TSHR: variants seen among roughly 807,000 people sequenced by gnomAD.
TSHR encodes thyroid stimulating hormone receptor, also known as thyrotropin receptor.
TSHR carries 51 observed loss-of-function variants against 64.1 expected under a neutral mutation model. The observed-to-expected ratio is 0.80, with a 90% CI of 0.64 to 1.01. The LOEUF (loss-of-function observed/expected upper bound fraction) is 1.01. TSHR is among the 50% of genes least tolerant of loss of function. The pLI, the probability that TSHR is intolerant of heterozygous loss-of-function variation, is 0.00. For missense variants in TSHR, 877 were observed against 942.8 expected, an observed-to-expected ratio of 0.93 and a Z score of 0.91; for synonymous variants, 361 against 361.9, an observed-to-expected ratio of 1.00 and a Z score of 0.03.
chr14:81,143,994 T>C lies in TSHR; in HGVS notation c.1936T>C (p.Ser646Pro), dbSNP rs775408982. 1 of 1,614,210 alleles carries C rather than the reference T, an allele frequency of 6.2e-7. No individual in the cohort carries two copies. Among genetic ancestry groups the C allele is most frequent in the Non-Finnish European group, 8.5e-7 (1 of 1,180,036 alleles). The change falls in exon 10 of 10, where the codon TCA (serine) becomes CCA (proline). Residue 646 changes from serine (S) to proline (P), a missense_variant. By Grantham distance (74) the Ser-to-Pro change is moderately conservative (BLOSUM62 -1). Transcript: ENST00000298171. The part of the protein sequence containing the change: ...CMAPISFYAL[S>P]AILNKPLITV... ...GGCCCCAATCTCATTCTATGCTCTG[T>C]CAGCAATTCTGAACAAGCCTCTCAT...
At chr14:80,986,693 G>A (rs542794294) in intron 1 of TSHR, among the ~76,000 whole-genome samples, 1 of 152,158 alleles carries the variant, frequency 6.6e-6, no homozygotes, top group African/African-American at 2.4e-5. Context: ...CATCGTGTTG[G>A]CCAGGCTGGT....
chr14:80,980,337 G>T (rs953247032), intron 1 of TSHR, among the ~76,000 whole-genome samples: 2 of 152,096 alleles, frequency 1.3e-5, no homozygotes, highest in Non-Finnish European at 2.9e-5. Flanking sequence ...TTAACCAGAA[G>T]TTAACAATTG....
intron 1 of TSHR, among the ~76,000 whole-genome samples, chr14:81,002,784 T>TGCCAG (rs1338086273): frequency 1.3e-3 from 10 of 7,664 alleles, no homozygotes; most frequent in Admixed American, 3.9e-3. Flanking sequence ...AATGCCTCTT[T>TGCCAG]TTTTTTTTTT....
chr14:81,132,461 G>A (rs1257023712), intron 8 of TSHR, among the ~76,000 whole-genome samples: 2 of 152,186 alleles, frequency 1.3e-5, no homozygotes, highest in African/African-American at 2.4e-5. Flanking sequence ...GACATTAAAC[G>A]TAGTTAGCTC....
At chr14:81,060,840 A>G (rs1279729071) in intron 1 of TSHR, among the ~76,000 whole-genome samples, 1 of 152,174 alleles carries the variant, frequency 6.6e-6, no homozygotes, top group African/African-American at 2.4e-5. Context: ...TGCCAAGTTA[A>G]TACACTATGC....
At chr14:80,978,118 C>CAA (rs1259251397) in intron 1 of TSHR, among the ~76,000 whole-genome samples, 1 of 151,812 alleles carries the variant, frequency 6.6e-6, no homozygotes, top group Admixed American at 6.6e-5. Context: ...CACACACACA[C>CAA]ACACACACAC....
At chr14:81,061,464 T>TA (rs1335452649) in intron 1 of TSHR, among the ~76,000 whole-genome samples, 2 of 152,246 alleles carry the variant, frequency 1.3e-5, no homozygotes, top group East Asian at 3.9e-4. Context: ...TATGCAGTCG[T>TA]AAAAAAGAAC....
chr14:81,028,045 G>A (rs764767997), intron 1 of TSHR, among the ~76,000 whole-genome samples: 6 of 152,066 alleles, frequency 3.9e-5, no homozygotes, highest in Non-Finnish European at 8.8e-5. Context: ...TATTCTAAAA[G>A]CATCATTCAT....
intron 1 of TSHR, among the ~76,000 whole-genome samples, chr14:80,967,411 A>T (rs1269333842): frequency 6.6e-6 from 1 of 150,398 alleles, no homozygotes; most frequent in Non-Finnish European, 1.5e-5. Flanking sequence ...CAGCCTCCCT[A>T]GAAGCTGGGA....
intron 3 of TSHR, among the ~76,000 whole-genome samples, chr14:81,086,888 A>G (rs1239509997): frequency 6.6e-6 from 1 of 152,258 alleles, no homozygotes; most frequent in East Asian, 1.9e-4. Flanking sequence ...TTATAAAGAA[A>G]GAAAACTGAT....
At chr14:81,104,797 G>C in intron 7 of TSHR, 1 of 985,376 alleles carries the variant, frequency 1.0e-6, no homozygotes, top group Non-Finnish European at 1.2e-6. Context: ...TTAACTCCAT[G>C]TATGGAAATC....
intron 1 of TSHR, among the ~76,000 whole-genome samples, chr14:81,014,713 A>G (rs1366709955): frequency 6.6e-6 from 1 of 152,222 alleles, no homozygotes; most frequent in African/African-American, 2.4e-5. Context: ...AGTAGGAAGC[A>G]TAAAATAACT....
chr14:81,116,173 C>T (rs1161163592), intron 8 of TSHR, among the ~76,000 whole-genome samples: 2 of 151,150 alleles, frequency 1.3e-5, no homozygotes, highest in African/African-American at 2.4e-5. Flanking sequence ...CAAATTCACA[C>T]ATAACAATAT....
rs1168316274 is a variant in TSHR at position 81,118,577 on chromosome 14, A to G, written c.692+10125A>G. ...CCATGCTCATGGGTAGGAAGAATCA[A>G]TATTGTGAAAATGGTCATACTGCCC... On this transcript the variant is annotated intron_variant, in intron 8 of 9. Coordinates refer to ENST00000298171, the MANE Select transcript of TSHR (RefSeq NM_000369.5). Among the ~76,000 whole-genome samples the G allele has an allele frequency of 3.8e-3, 580 of 151,818 alleles. 4 individuals are homozygous for G. Among genetic ancestry groups the G allele is most frequent in the African/African-American group, 0.014 (565 of 41,180 alleles).
At chr14:81,084,976 G>C (rs983825956) in intron 3 of TSHR, among the ~76,000 whole-genome samples, 20 of 152,076 alleles carry the variant, frequency 1.3e-4, no homozygotes, top group African/African-American at 4.3e-4. Flanking sequence ...TTGATTGATT[G>C]ATTGAGACAG....
chr14:81,028,163 C>T (rs1189390164), intron 1 of TSHR, among the ~76,000 whole-genome samples: 2 of 152,096 alleles, frequency 1.3e-5, no homozygotes, highest in African/African-American at 4.8e-5. Context: ...GATCATAAGC[C>T]TTTCATATTA....
chr14:81,111,671 A>G (rs1890230306), intron 8 of TSHR, among the ~76,000 whole-genome samples: 2 of 152,048 alleles, frequency 1.3e-5, no homozygotes, highest in African/African-American at 2.4e-5. Context: ...TACTCTTCCT[A>G]CTGTCTGGAA....
chr14:81,108,753 A>C (rs766855465), intron 8 of TSHR: 15 of 1,608,856 alleles, frequency 9.3e-6, no homozygotes, highest in Non-Finnish European at 1.3e-5. Flanking sequence ...GCTGTTTGAA[A>C]AATTTTGAAA....
chr14:81,005,243 ACG>A (rs1889541188), intron 1 of TSHR, among the ~76,000 whole-genome samples: 2 of 117,928 alleles, frequency 1.7e-5, no homozygotes, highest in African/African-American at 7.9e-5. Context: ...GTGTGTGTGC[ACG>A]CACGCACGTG....
Sources: gnomAD v4.1 joint callset for allele counts (sites outside exome capture counted in the v4.1 genomes callset) on GRCh38, gnomAD v4.1.1 for gene constraint, MANE v1.5 for transcripts, NCBI Gene and HGNC (gene_info 2026-07-23, HGNC 2026-07-21) for gene names.